Variants in PABPC4L observed in about 807,000 individuals in gnomAD.
PABPC4L encodes poly(A) binding protein cytoplasmic 4 like.
For synonymous variants in PABPC4L, 169 were observed against 164.1 expected, an observed-to-expected ratio of 1.03 and a Z score of -0.23; for missense variants, 452 against 451.4, an observed-to-expected ratio of 1.00 and a Z score of -0.01.
At chr4:133,962,251 G>T in the PABPC4L span, among the ~76,000 whole-genome samples, 1 of 152,102 alleles carries the variant, frequency 6.6e-6, no homozygotes, top group Non-Finnish European at 1.5e-5. Context: ...AATCACACTA[G>T]CTCACTAGGA....
the PABPC4L span, among the ~76,000 whole-genome samples, chr4:134,146,809 G>C: frequency 6.6e-6 from 1 of 152,046 alleles, no homozygotes; most frequent in Non-Finnish European, 1.5e-5. Flanking sequence ...TGGTTACAAG[G>C]CATCATTCAG....
the PABPC4L span, among the ~76,000 whole-genome samples, chr4:134,000,780 G>A: frequency 5.9e-5 from 9 of 152,022 alleles, no homozygotes; most frequent in Non-Finnish European, 1.5e-5. Context: ...TGGTAAGCTG[G>A]GAAACTGAAT....
At chr4:134,077,735 CT>C in the PABPC4L span, among the ~76,000 whole-genome samples, 5 of 152,256 alleles carry the variant, frequency 3.3e-5, no homozygotes, top group Admixed American at 6.5e-5. Context: ...AATTAATTTT[CT>C]CTATTTCCAG....
At chr4:134,178,057 T>C in the PABPC4L span, among the ~76,000 whole-genome samples, 1 of 152,060 alleles carries the variant, frequency 6.6e-6, no homozygotes, top group African/African-American at 2.4e-5. Context: ...CCATGCCTGC[T>C]AGAGCTTCCA....
At chr4:134,114,286 A>G in the PABPC4L span, among the ~76,000 whole-genome samples, 1 of 151,812 alleles carries the variant, frequency 6.6e-6, no homozygotes, top group Non-Finnish European at 1.5e-5. Flanking sequence ...TTTTCAAGGC[A>G]TGATAAATAT....
the PABPC4L span, among the ~76,000 whole-genome samples, chr4:133,998,070 T>C: frequency 6.6e-6 from 1 of 152,016 alleles, no homozygotes; most frequent in Non-Finnish European, 1.5e-5. Context: ...ATCATGGAAT[T>C]TGTTACTTAT....
At chr4:134,182,107 CA>C in the PABPC4L span, among the ~76,000 whole-genome samples, 4 of 149,728 alleles carry the variant, frequency 2.7e-5, no homozygotes, top group Admixed American at 2.0e-4. Flanking sequence ...AAAACAAAAA[CA>C]AAAAAACTAT....
At chr4:134,127,726 A>T in the PABPC4L span, among the ~76,000 whole-genome samples, 1 of 152,104 alleles carries the variant, frequency 6.6e-6, no homozygotes, top group Non-Finnish European at 1.5e-5. Flanking sequence ...GATTCTGGTA[A>T]TATGATAAAA....
the PABPC4L span, among the ~76,000 whole-genome samples, chr4:134,107,376 T>C: frequency 1.3e-5 from 2 of 151,574 alleles, no homozygotes; most frequent in South Asian, 4.1e-4. Context: ...ATTAATTTGC[T>C]TAACAAACAG....
At chr4:134,097,879 T>C in the PABPC4L span, among the ~76,000 whole-genome samples, 1 of 151,880 alleles carries the variant, frequency 6.6e-6, no homozygotes, top group East Asian at 1.9e-4. Flanking sequence ...TTGTTCCTAA[T>C]TGAGAAACTT....
chr4:134,052,248 G>T, the PABPC4L span, among the ~76,000 whole-genome samples: 3 of 151,948 alleles, frequency 2.0e-5, no homozygotes, highest in Non-Finnish European at 2.9e-5. Flanking sequence ...AAGTTGTAAT[G>T]ACATGAATAT....
At chr4:134,138,272 C>T in the PABPC4L span, among the ~76,000 whole-genome samples, 3 of 151,706 alleles carry the variant, frequency 2.0e-5, no homozygotes, top group Admixed American at 6.6e-5. Flanking sequence ...TTACTCATTA[C>T]ACATTTATTA....
the PABPC4L span, among the ~76,000 whole-genome samples, chr4:133,959,071 G>T: frequency 6.6e-6 from 1 of 152,156 alleles, no homozygotes; most frequent in Non-Finnish European, 1.5e-5. Flanking sequence ...AGGCTCCCAT[G>T]TTACACAGTA....
chr4:134,041,920 A>G, the PABPC4L span, among the ~76,000 whole-genome samples: 1 of 152,126 alleles, frequency 6.6e-6, no homozygotes, highest in South Asian at 2.1e-4. Context: ...AATCCCACTA[A>G]TAAGTATCTA....
At chr4:134,025,498 G>A in the PABPC4L span, among the ~76,000 whole-genome samples, 1 of 152,014 alleles carries the variant, frequency 6.6e-6, no homozygotes, top group Non-Finnish European at 1.5e-5. Flanking sequence ...ATAAGTGCCA[G>A]TGAATAGTTT....
At chr4:134,036,449 G>A in the PABPC4L span, among the ~76,000 whole-genome samples, 8 of 151,940 alleles carry the variant, frequency 5.3e-5, no homozygotes, top group South Asian at 1.7e-3. Context: ...TATAGTACTG[G>A]GCAAGAAATT....
chr4:134,000,221 C>A, the PABPC4L span, among the ~76,000 whole-genome samples: 2 of 152,124 alleles, frequency 1.3e-5, no homozygotes, highest in Non-Finnish European at 2.9e-5. Context: ...TCTGACCCAT[C>A]ATAGTACATG....
At chr4:134,040,270 A>T in the PABPC4L span, among the ~76,000 whole-genome samples, 1 of 151,914 alleles carries the variant, frequency 6.6e-6, no homozygotes, top group South Asian at 2.1e-4. Context: ...CATAGCCAAG[A>T]CAATCCTAAG....
At chr4:134,038,694 T>A in the PABPC4L span, among the ~76,000 whole-genome samples, 2 of 152,136 alleles carry the variant, frequency 1.3e-5, no homozygotes, top group Non-Finnish European at 2.9e-5. Context: ...TTATTGCATC[T>A]ATTTGATTCT....
Sources: allele counts gnomAD v4.1 joint callset (sites outside exome capture counted in the v4.1 genomes callset), GRCh38; gene constraint gnomAD v4.1.1; transcripts MANE v1.5; gene names NCBI Gene and HGNC (gene_info 2026-07-23, HGNC 2026-07-21).